The following ROR1 variants were observed in gnomAD, a reference collection of about 807,000 sequenced individuals.
The protein encoded by ROR1 is inactive tyrosine-protein kinase transmembrane receptor ROR1.
In ROR1, 19 loss-of-function variants were observed where a neutral mutation model predicts 78.8. The observed-to-expected ratio is 0.24, with a 90% confidence interval of 0.17 to 0.35. The LOEUF is 0.35. ROR1 is among the 10% of genes least tolerant of loss of function. The pLI, the probability that ROR1 is intolerant of heterozygous loss-of-function variation, is 1.00. For synonymous variants in ROR1, 386 were observed against 433.6 expected, an observed-to-expected ratio of 0.89 and a Z score of 1.36; for missense variants, 917 against 1,177.8, an observed-to-expected ratio of 0.78 and a Z score of 3.24.
intron 1 of ROR1, among the ~76,000 whole-genome samples, chr1:63,834,528 GC>G (rs1453179868): frequency 6.6e-6 from 1 of 152,126 alleles, no homozygotes; most frequent in East Asian, 1.9e-4. Flanking sequence ...TTAAAAAATG[GC>G]AGCTCTTCTG....
intron 1 of ROR1, among the ~76,000 whole-genome samples, chr1:63,944,158 G>A (rs1645864214): frequency 6.6e-6 from 1 of 152,138 alleles, no homozygotes; most frequent in Non-Finnish European, 1.5e-5. Flanking sequence ...TAAACTTGCT[G>A]GAATGTGAGT....
At chr1:64,057,753 A>T (rs1178204311) in intron 4 of ROR1, among the ~76,000 whole-genome samples, 1 of 152,208 alleles carries the variant, frequency 6.6e-6, no homozygotes, top group African/African-American at 2.4e-5. Context: ...GCCAGTTGAT[A>T]TGTAAAACTA....
At chr1:64,137,523 T>A in intron 5 of ROR1, 27 bp downstream of exon 5, 1 of 1,601,774 alleles carries the variant, frequency 6.2e-7, no homozygotes, top group South Asian at 1.1e-5. Flanking sequence ...AAATTATATT[T>A]GTCCCTTGAA....
chr1:63,783,671 C>T (rs1384249891), intron 1 of ROR1, among the ~76,000 whole-genome samples: 4 of 152,142 alleles, frequency 2.6e-5, no homozygotes, highest in Non-Finnish European at 4.4e-5. Context: ...AAATACAAGA[C>T]GAACTGTCTT....
chr1:63,808,124 G>A (rs1292177744), intron 1 of ROR1, among the ~76,000 whole-genome samples: 1 of 151,862 alleles, frequency 6.6e-6, no homozygotes, highest in African/African-American at 2.4e-5. Flanking sequence ...CTTTACCTGG[G>A]CACGTTTGCC....
chr1:64,085,701 G>T (rs1647146922), intron 4 of ROR1, among the ~76,000 whole-genome samples: 1 of 152,152 alleles, frequency 6.6e-6, no homozygotes, highest in Admixed American at 6.5e-5. Flanking sequence ...TGCAAAGACA[G>T]CTGCAGTGCA....
intron 1 of ROR1, among the ~76,000 whole-genome samples, chr1:63,919,436 C>T (rs1307544135): frequency 6.7e-6 from 1 of 148,670 alleles, no homozygotes; most frequent in Non-Finnish European, 1.5e-5. Context: ...ATAGCCTGGG[C>T]TGAATTCCCC....
rs541214460 is a variant in ROR1 at position 64,010,935 on chromosome 1, CT to C, written c.163+1562del. ...ACTGTGAGTCAATTAAACCTCTTTC[CT>C]TTATAAATTACCCAGTCTTGGGCAG... On this transcript the variant is annotated intron_variant, in intron 2 of 8. Transcript: ENST00000371079. Among the ~76,000 whole-genome samples the C allele has an allele frequency of 1.5e-3, 224 of 152,288 alleles. 1 individual carries two copies. The highest frequency in any genetic ancestry group is 5.2e-3 in the African/African-American group (218 of 41,552).
At chr1:64,153,449 A>C (rs747740189) in intron 7 of ROR1, among the ~76,000 whole-genome samples, 10 of 152,210 alleles carry the variant, frequency 6.6e-5, no homozygotes, top group Non-Finnish European at 1.0e-4. Flanking sequence ...ATATTTGTAC[A>C]CCCATGTTCA....
intron 1 of ROR1, among the ~76,000 whole-genome samples, chr1:63,778,106 T>C (rs191953750): frequency 6.6e-6 from 1 of 152,278 alleles, no homozygotes; most frequent in East Asian, 1.9e-4. Context: ...CTTTTCTCTG[T>C]TGTATAGTGG....
intron 4 of ROR1, among the ~76,000 whole-genome samples, chr1:64,110,025 C>G (rs1391333743): frequency 6.6e-6 from 1 of 152,170 alleles, no homozygotes; most frequent in African/African-American, 2.4e-5. Context: ...GTCACATGAC[C>G]TCCTCTGCAC....
intron 1 of ROR1, among the ~76,000 whole-genome samples, chr1:64,007,400 G>GTC (rs1239539601): frequency 4.0e-5 from 6 of 151,724 alleles, no homozygotes; most frequent in African/African-American, 1.5e-4. Context: ...GTGTGTGTGT[G>GTC]TGTGTGTGTA....
chr1:64,084,155 T>C (rs1355884669), intron 4 of ROR1, among the ~76,000 whole-genome samples: 1 of 152,222 alleles, frequency 6.6e-6, no homozygotes, highest in East Asian at 1.9e-4. Context: ...TAGCTACTTA[T>C]TTGCTTTGTT....
At chr1:64,088,228 A>G (rs1029755301) in intron 4 of ROR1, among the ~76,000 whole-genome samples, 5 of 152,182 alleles carry the variant, frequency 3.3e-5, no homozygotes, top group Non-Finnish European at 7.3e-5. Context: ...AAGATCTATA[A>G]TTATACACCT....
chr1:64,083,593 G>GAAAAAAAA (rs1270419889), intron 4 of ROR1, among the ~76,000 whole-genome samples: 1 of 133,952 alleles, frequency 7.5e-6, no homozygotes, highest in Non-Finnish European at 1.6e-5. Flanking sequence ...GAGAGAGAGA[G>GAAAAAAAA]AGAAAAAAAA....
intron 4 of ROR1, among the ~76,000 whole-genome samples, chr1:64,080,646 C>T (rs1647093631): frequency 6.6e-6 from 1 of 152,172 alleles, no homozygotes. Flanking sequence ...ACATCCCTCC[C>T]TGGATAAAGG....
intron 1 of ROR1, among the ~76,000 whole-genome samples, chr1:63,976,175 C>T (rs752181749): frequency 2.0e-5 from 3 of 152,136 alleles, no homozygotes; most frequent in Non-Finnish European, 4.4e-5. Flanking sequence ...AAGGTAATGT[C>T]ATGGAGTGTG....
At chr1:64,057,449 A>G (rs1646884142) in intron 4 of ROR1, among the ~76,000 whole-genome samples, 1 of 152,234 alleles carries the variant, frequency 6.6e-6, no homozygotes, top group Admixed American at 6.5e-5. Flanking sequence ...TTGTGTATGT[A>G]TACATATATA....
At chr1:63,928,310 T>C (rs1645724149) in intron 1 of ROR1, among the ~76,000 whole-genome samples, 1 of 152,168 alleles carries the variant, frequency 6.6e-6, no homozygotes, top group Non-Finnish European at 1.5e-5. Context: ...GCAGTCTGGG[T>C]GGTTTGTCTG....
Sources: gnomAD v4.1 joint callset for allele counts (sites outside exome capture counted in the v4.1 genomes callset) on GRCh38, gnomAD v4.1.1 for gene constraint, MANE v1.5 for transcripts, NCBI Gene and HGNC (gene_info 2026-07-23, HGNC 2026-07-21) for gene names.